The following POU6F2 variants were observed in gnomAD, a reference collection of about 807,000 sequenced individuals.
POU6F2 encodes POU domain, class 6, transcription factor 2.
POU6F2 carries 31 observed loss-of-function variants against 71.3 expected under a neutral mutation model. That is an observed-to-expected ratio of 0.43 (90% CI 0.33 to 0.59). The LOEUF (loss-of-function observed/expected upper bound fraction) is 0.59, where lower values mean the gene tolerates loss of function less well. POU6F2 is among the 20% of genes least tolerant of loss of function. The pLI, the probability that POU6F2 is intolerant of heterozygous loss-of-function variation, is 0.04. For missense variants in POU6F2, 783 were observed against 856.8 expected, an observed-to-expected ratio of 0.91 and a Z score of 1.07; for synonymous variants, 347 against 355.7, an observed-to-expected ratio of 0.98 and a Z score of 0.27.
chr7:39,061,678 C>G (rs1265057925), intron 1 of POU6F2, among the ~76,000 whole-genome samples: 1 of 152,160 alleles, frequency 6.6e-6, no homozygotes, highest in Non-Finnish European at 1.5e-5. Context: ...AGTTGTTAAA[C>G]TTTTGGTGGT....
chr7:39,094,907 G>A lies in POU6F2; in HGVS notation c.277+8876G>A, dbSNP rs543001059. 1.2e-4 allele frequency among the ~76,000 whole-genome samples: 18 copies of A among 152,192 alleles called. 2 individuals are homozygous for A. In the East Asian group the frequency reaches 3.3e-3, roughly 28 times the overall value. On this transcript the variant is annotated intron_variant, in intron 2 of 9. Transcript: ENST00000518318. ...ATGGAAGTCATGTGGGGAGTGAAAT[G>A]CACTTCATCAAAACTGGCATTTTTT... is the stretch of plus-strand genomic sequence containing the variant.
intron 2 of POU6F2, among the ~76,000 whole-genome samples, chr7:39,117,110 A>C (rs1791947054): frequency 6.6e-6 from 1 of 152,214 alleles, no homozygotes; most frequent in Non-Finnish European, 1.5e-5. Context: ...GGTATGTTTC[A>C]AATGAATTCA....
At chr7:39,260,594 CCA>C (rs1469431295) in intron 4 of POU6F2, among the ~76,000 whole-genome samples, 1 of 150,920 alleles carries the variant, frequency 6.6e-6, no homozygotes, top group Non-Finnish European at 1.5e-5. Flanking sequence ...ATACCACATA[CCA>C]CACACACACC....
At chr7:39,217,672 A>G (rs1794270817) in intron 4 of POU6F2, among the ~76,000 whole-genome samples, 1 of 152,212 alleles carries the variant, frequency 6.6e-6, no homozygotes. Flanking sequence ...GAAGAGCTTC[A>G]CAAGACACGC....
intron 4 of POU6F2, among the ~76,000 whole-genome samples, chr7:39,313,287 C>T (rs575079045): frequency 2.6e-5 from 4 of 152,222 alleles, no homozygotes; most frequent in African/African-American, 4.8e-5. Flanking sequence ...GGGTTCTTCA[C>T]CACTTGTCTT....
At chr7:39,099,373 G>C (rs951670446) in intron 2 of POU6F2, among the ~76,000 whole-genome samples, 2 of 152,208 alleles carry the variant, frequency 1.3e-5, no homozygotes, top group Non-Finnish European at 2.9e-5. Context: ...GGCATCCGCT[G>C]TCCCTCCCTC....
intron 7 of POU6F2, among the ~76,000 whole-genome samples, chr7:39,438,548 C>G (rs1043844488): frequency 3.3e-5 from 5 of 152,200 alleles, no homozygotes; most frequent in Non-Finnish European, 7.3e-5. Context: ...ATTAAAAAGT[C>G]AGGAAACAAC....
intron 2 of POU6F2, among the ~76,000 whole-genome samples, chr7:39,131,894 G>A (rs1477652284): frequency 6.6e-6 from 1 of 151,830 alleles, no homozygotes; most frequent in Non-Finnish European, 1.5e-5. Flanking sequence ...TAGTAGGTGT[G>A]TATCTTTATG....
Position 39,466,892 on chromosome 7 carries a change from C to T in POU6F2, c.*2206C>T, listed in dbSNP as rs538411074. 1 of 152,434 alleles carries T rather than the reference C, an allele frequency of 6.6e-6. No individual in the cohort carries two copies. The highest frequency in any genetic ancestry group is 2.1e-4 in the South Asian group (1 of 4,828). 9.4% of individuals were successfully genotyped at this position (152,434 alleles called of 1,614,324 possible). Reference sequence around the variant, plus strand: ...ACATGGACAACCCAGAAACCCAAAACTTTATTGATTAAAACAGATTTTGGA... The same window carrying T: ...ACATGGACAACCCAGAAACCCAAAATTTTATTGATTAAAACAGATTTTGGA... On this transcript the variant is annotated 3_prime_UTR_variant, in exon 10 of 10. Coordinates refer to ENST00000518318, the MANE Select transcript of POU6F2 (RefSeq NM_001370959.1).
chr7:39,323,288 G>C (rs1375178739), intron 4 of POU6F2, among the ~76,000 whole-genome samples: 1 of 152,216 alleles, frequency 6.6e-6, no homozygotes, highest in Non-Finnish European at 1.5e-5. Context: ...CAAGAGGACA[G>C]CTGCACTCAG....
intron 2 of POU6F2, among the ~76,000 whole-genome samples, chr7:39,196,146 A>G (rs1274160607): frequency 6.6e-6 from 1 of 152,208 alleles, no homozygotes; most frequent in Non-Finnish European, 1.5e-5. Flanking sequence ...GCGGCCAGCC[A>G]GGAGAGAAAA....
intron 4 of POU6F2, among the ~76,000 whole-genome samples, chr7:39,317,051 C>T (rs902968354): frequency 6.6e-6 from 1 of 152,186 alleles, no homozygotes; most frequent in Non-Finnish European, 1.5e-5. Flanking sequence ...GAATCAGGAG[C>T]TCACCTTCCT....
At chr7:39,308,526 A>T (rs1222206595) in intron 4 of POU6F2, among the ~76,000 whole-genome samples, 1 of 152,212 alleles carries the variant, frequency 6.6e-6, no homozygotes, top group Non-Finnish European at 1.5e-5. Flanking sequence ...TTGGTCCTGG[A>T]CTACAGATGT....
intron 2 of POU6F2, among the ~76,000 whole-genome samples, chr7:39,155,347 G>A (rs557274907): frequency 6.6e-6 from 1 of 151,834 alleles, no homozygotes; most frequent in African/African-American, 2.4e-5. Flanking sequence ...AGATGAAGAG[G>A]GTGAGATGGA....
At chr7:39,149,345 T>C (rs1792693851) in intron 2 of POU6F2, among the ~76,000 whole-genome samples, 1 of 152,202 alleles carries the variant, frequency 6.6e-6, no homozygotes, top group Admixed American at 6.5e-5. Flanking sequence ...AGAATACTTC[T>C]TTTTTTAAGC....
In POU6F2 at chr7:39,299,256, A is replaced by G. The variant is rs1014782045; in HGVS notation, c.599-40386A>G. ...CTGCTTTTGAAGTCGGGCCAGGCAG[A>G]TGCTTGCAGTTTTATTTTTCATCAC... On this transcript the variant is annotated intron_variant, in intron 4 of 9. Transcript: ENST00000518318. Among the ~76,000 whole-genome samples the G allele has an allele frequency of 3.3e-5, 5 of 152,228 alleles. No individual in the cohort carries two copies. The South Asian group carries it at 1.0e-3, about 32-fold the overall frequency.
chr7:39,134,446 ATGATAATGATAATGG>A (rs1792350702), intron 2 of POU6F2, among the ~76,000 whole-genome samples: 1 of 152,210 alleles, frequency 6.6e-6, no homozygotes. Flanking sequence ...TCCACAGATC[ATGATAATGATAATGG>A]TGATGAGAGA....
rs192640591 is a variant in POU6F2, at chr7:39,446,618, A to C, written c.1321-4915A>C. 1.5e-4 allele frequency among the ~76,000 whole-genome samples: 23 copies of C among 152,370 alleles called. No individual in the cohort carries two copies. In the East Asian group the frequency reaches 4.4e-3, roughly 29 times the overall value. On this transcript the variant is annotated intron_variant, in intron 7 of 9. Transcript: ENST00000518318. ...TGTTATTTCAGTCTATTTTTGGTGA[A>C]TATATTAAACACCCTGGCAGTGCCA...
At position 39,282,518 on chromosome 7, in the gene POU6F2, A is replaced by T. The variant is rs559317937; in HGVS notation, c.599-57124A>T. On this transcript the variant is annotated intron_variant, in intron 4 of 9. Transcript: ENST00000518318. ...CTGCATGGCGATATCTAGTTTTGCG[A>T]GACCATTTATTGAAGAGAATGTCCT... Among the ~76,000 whole-genome samples the T allele has an allele frequency of 3.1e-4, 47 of 152,244 alleles. 2 individuals carry two copies. In the South Asian group the frequency reaches 9.7e-3, roughly 32 times the overall value.
Sources: allele counts gnomAD v4.1 joint callset (sites outside exome capture counted in the v4.1 genomes callset), GRCh38; gene constraint gnomAD v4.1.1; transcripts MANE v1.5; gene names NCBI Gene and HGNC (gene_info 2026-07-23, HGNC 2026-07-21).